The following FBXW4 variants were observed in gnomAD, a reference collection of about 807,000 sequenced individuals.
FBXW4 encodes the protein F-box and WD repeat domain containing 4, also known as F-box/WD repeat-containing protein 4.
A neutral mutation model predicts 61.8 loss-of-function variants in FBXW4; 40 were observed. The ratio of observed to expected loss-of-function variants is 0.65; its 90% CI spans 0.50 to 0.84. The LOEUF (loss-of-function observed/expected upper bound fraction) is 0.84. Among genes scored for constraint, FBXW4 ranks in the 40% least tolerant of loss-of-function variants. The probability of loss-of-function intolerance (pLI) is 0.00; values close to 1 mark genes in which losing one functional copy is unlikely to be tolerated. For synonymous variants in FBXW4, 311 were observed against 313.8 expected, an observed-to-expected ratio of 0.99 and a Z score of 0.10; for missense variants, 672 against 753.8, an observed-to-expected ratio of 0.89 and a Z score of 1.27.
intron 5 of FBXW4, among the ~76,000 whole-genome samples, chr10:101,661,014 G>T (rs1034205726): frequency 6.6e-6 from 1 of 152,232 alleles, no homozygotes; most frequent in Non-Finnish European, 1.5e-5. Flanking sequence ...AGGAGGAAGG[G>T]AGAGAGAAAG....
At chr10:101,614,714 C>T (rs2063812984) in intron 6 of FBXW4, among the ~76,000 whole-genome samples, 2 of 152,166 alleles carry the variant, frequency 1.3e-5, no homozygotes, top group African/African-American at 4.8e-5. Flanking sequence ...TTCTTTTGCC[C>T]CTGGGCCCAG....
intron 5 of FBXW4, among the ~76,000 whole-genome samples, chr10:101,655,969 ACACT>A (rs1321167398): frequency 1.3e-5 from 2 of 152,220 alleles, no homozygotes; most frequent in African/African-American, 4.8e-5. Flanking sequence ...CGAGGAAGGA[ACACT>A]CATGGTGGGG....
At chr10:101,640,781 GTTGGGA>G (rs2064045171) in intron 5 of FBXW4, among the ~76,000 whole-genome samples, 1 of 150,964 alleles carries the variant, frequency 6.6e-6, no homozygotes, top group African/African-American at 2.4e-5. Flanking sequence ...CTCCCAAAGT[GTTGGGA>G]TTACAGGTAT....
intron 5 of FBXW4, among the ~76,000 whole-genome samples, chr10:101,632,368 C>A (rs531590281): frequency 8.5e-5 from 13 of 152,126 alleles, no homozygotes; most frequent in Non-Finnish European, 1.9e-4. Context: ...CAAATAAGGG[C>A]CAGCAAAGCA....
At chr10:101,634,201 C>CAA (rs34484310) in intron 5 of FBXW4, among the ~76,000 whole-genome samples, 4 of 150,652 alleles carry the variant, frequency 2.7e-5, no homozygotes, top group Admixed American at 6.6e-5. Flanking sequence ...ATAAATCTAA[C>CAA]AAAAAAAACA....
intron 5 of FBXW4, among the ~76,000 whole-genome samples, chr10:101,664,589 G>A (rs2064280219): frequency 6.6e-6 from 1 of 152,202 alleles, no homozygotes; most frequent in Admixed American, 6.5e-5. Flanking sequence ...AGGGGGAAGA[G>A]AGATTCCTAC....
rs201658274 is a variant in FBXW4 at position 101,677,794 on chromosome 10, A to C, written c.726-1358T>G. On this transcript the variant is annotated intron_variant, in intron 1 of 8. Transcript: ENST00000331272. ...GAATAAGACTCCCTCTCTAAAAAAAAAAAAAGAGAAAAGAAATACATCAAA... is the reference window on the plus strand; with the variant it reads ...GAATAAGACTCCCTCTCTAAAAAAACAAAAAGAGAAAAGAAATACATCAAA... Among the ~76,000 whole-genome samples the C allele has an allele frequency of 1.2e-4, 19 of 152,222 alleles. No homozygotes were observed. The East Asian group carries it at 3.7e-3, about 29-fold the overall frequency.
At chr10:101,621,314 C>A (rs1480949449) in intron 6 of FBXW4, among the ~76,000 whole-genome samples, 1 of 152,162 alleles carries the variant, frequency 6.6e-6, no homozygotes, top group African/African-American at 2.4e-5. Flanking sequence ...ATCACTTGAG[C>A]CAACGAGTTC....
intron 5 of FBXW4, among the ~76,000 whole-genome samples, chr10:101,637,890 T>A (rs886393634): frequency 1.3e-5 from 2 of 152,146 alleles, no homozygotes; most frequent in Non-Finnish European, 2.9e-5. Context: ...CACTATTTTA[T>A]ACTCACTCCC....
intron 4 of FBXW4, among the ~76,000 whole-genome samples, chr10:101,672,048 C>T (rs2064362398): frequency 6.6e-6 from 1 of 152,234 alleles, no homozygotes; most frequent in Non-Finnish European, 1.5e-5. Context: ...CAATTTCCCT[C>T]TCCTGAGTCC....
intron 5 of FBXW4, among the ~76,000 whole-genome samples, chr10:101,667,539 G>A (rs754088707): frequency 2.0e-5 from 3 of 152,164 alleles, no homozygotes; most frequent in Non-Finnish European, 2.9e-5. Flanking sequence ...ACCTCCGAGA[G>A]GTGGTGAGAG....
intron 1 of FBXW4, among the ~76,000 whole-genome samples, chr10:101,684,009 G>A (rs10883675): frequency 1 from 151,863 of 152,360 alleles, 75,686 homozygotes; most frequent in East Asian, 1. Flanking sequence ...TGTCACCCAG[G>A]CTGGAGTGCA....
chr10:101,612,015 A>G (rs1362604126), intron 7 of FBXW4, among the ~76,000 whole-genome samples: 1 of 152,252 alleles, frequency 6.6e-6, no homozygotes, highest in Non-Finnish European at 1.5e-5. Context: ...TCACATGGCC[A>G]GCTACTTGTC....
At chr10:101,677,744 C>T (rs1324229647) in intron 1 of FBXW4, among the ~76,000 whole-genome samples, 2 of 151,472 alleles carry the variant, frequency 1.3e-5, no homozygotes, top group African/African-American at 4.9e-5. Context: ...AGTGATTCCA[C>T]CACTGCACTC....
chr10:101,694,435 C>T lies in FBXW4; in HGVS notation c.671G>A (p.Arg224His). Residue 224 changes from arginine (R) to histidine (H), a missense_variant, in exon 1 of 9, where the codon CGC becomes CAC. Physicochemically the swap from Arg to His is conservative, Grantham distance 29 (BLOSUM62 0). This residue lies in a region of FBXW4 where 311 missense variants were observed against 301.1 expected (regional missense o/e 1.03). Transcript: ENST00000331272. This position sits in a 1 kb window ranked among gnomAD's most constrained non-coding sequence, Gnocchi z 6.0. ...GTTGAGCGAGGCCCGGGCTATCCGG[C>T]GCCAGAGCAGATCGCAGCTGGTGAA... is the stretch of plus-strand genomic sequence containing the variant. ...RRFTSCDLLW[R>H]RIARASLNSG... 1.3e-6 allele frequency: 2 copies of T among 1,535,026 alleles called. No homozygotes were observed. Among genetic ancestry groups the T allele is most frequent in the South Asian group, 1.2e-5 (1 of 82,686 alleles).
At chr10:101,662,307 C>T (rs141665192) in intron 5 of FBXW4, among the ~76,000 whole-genome samples, 11 of 152,222 alleles carry the variant, frequency 7.2e-5, no homozygotes, top group Admixed American at 2.6e-4. Context: ...ACAGTGATTG[C>T]TTTCCTTCCA....
chr10:101,649,304 C>T (rs569068234), intron 5 of FBXW4, among the ~76,000 whole-genome samples: 130 of 152,262 alleles, frequency 8.5e-4, no homozygotes, highest in African/African-American at 3.0e-3. Context: ...CAGGGCAGCC[C>T]AGGGAAGTCA....
At chr10:101,660,099 G>A (rs1257232781) in intron 5 of FBXW4, 1 of 985,348 alleles carries the variant, frequency 1.0e-6, no homozygotes, top group Admixed American at 6.1e-5. Flanking sequence ...AGGGGTCGGA[G>A]TCAGATTGAA....
intron 5 of FBXW4, chr10:101,625,122 G>C (rs944487099): frequency 1.1e-5 from 4 of 361,300 alleles, no homozygotes; most frequent in Non-Finnish European, 1.6e-5. Context: ...TTTGAGCCCA[G>C]GAGAGAGCGA....
Sources: allele counts gnomAD v4.1 joint callset (sites outside exome capture counted in the v4.1 genomes callset), GRCh38; gene constraint gnomAD v4.1.1; regional missense constraint gnomAD v4.1.1; non-coding constraint Gnocchi (gnomAD v3.1); transcripts MANE v1.5; gene names NCBI Gene and HGNC (gene_info 2026-07-23, HGNC 2026-07-21).